The following AUH variants were observed in gnomAD, a reference collection of about 807,000 sequenced individuals.
AUH encodes AU RNA binding methylglutaconyl-CoA hydratase.
Under a neutral mutation model 42.3 loss-of-function variants are expected in AUH, and 29 were observed. The observed-to-expected ratio is 0.69, with a 90% CI of 0.51 to 0.93. The LOEUF (loss-of-function observed/expected upper bound fraction) is 0.93. Ranked by LOEUF, AUH falls within the 40% of genes least tolerant of loss-of-function variation. The pLI is 0.00. For missense variants in AUH, 452 were observed against 438.1 expected, an observed-to-expected ratio of 1.03 and a Z score of -0.28; for synonymous variants, 174 against 166.4, an observed-to-expected ratio of 1.05 and a Z score of -0.35.
intron 3 of AUH, among the ~76,000 whole-genome samples, chr9:91,326,774 A>T (rs1174899561): frequency 6.6e-6 from 1 of 152,136 alleles, no homozygotes; most frequent in Non-Finnish European, 1.5e-5. Flanking sequence ...CTAAATATGC[A>T]AGTCTTTAAA....
intron 6 of AUH, among the ~76,000 whole-genome samples, chr9:91,246,624 T>C (rs1031073511): frequency 6.6e-6 from 1 of 152,028 alleles, no homozygotes; most frequent in East Asian, 1.9e-4. Context: ...AACTAATAAA[T>C]GAATTAGAAA....
chr9:91,216,761 C>T (rs1237385933), intron 8 of AUH, among the ~76,000 whole-genome samples: 1 of 152,208 alleles, frequency 6.6e-6, no homozygotes, highest in African/African-American at 2.4e-5. Context: ...CCACCCCCTC[C>T]TCCCAGGCCT....
chr9:91,217,591 C>T (rs1431811934), intron 7 of AUH, among the ~76,000 whole-genome samples: 1 of 152,138 alleles, frequency 6.6e-6, no homozygotes, highest in Non-Finnish European at 1.5e-5. Flanking sequence ...TAGTGCATGT[C>T]CAGCTGTGAG....
At chr9:91,233,712 A>T (rs959626485) in intron 6 of AUH, among the ~76,000 whole-genome samples, 1 of 152,228 alleles carries the variant, frequency 6.6e-6, no homozygotes, top group African/African-American at 2.4e-5. Flanking sequence ...GGCTACAAAG[A>T]TCAATAACAA....
Position 91,293,044 on chromosome 9 carries a change from G to T in AUH, c.655+2977C>A, listed in dbSNP as rs373269150. 3.6e-4 allele frequency among the ~76,000 whole-genome samples: 55 copies of T among 152,264 alleles called. No homozygotes were observed. The South Asian group carries it at 0.01, about 28-fold the overall frequency. ...TACTGTAATTATTTTGGGGCACCAT[G>T]AACCACGCCCACATAGGATGGCAAA... On this transcript the variant is annotated intron_variant, in intron 6 of 9. Transcript: ENST00000375731.
chr9:91,349,679 GAC>G (rs35888854), intron 3 of AUH, among the ~76,000 whole-genome samples: 91,481 of 148,914 alleles, frequency 0.61, 28,182 homozygotes, highest in Middle Eastern at 0.73. Context: ...CAGAGAGACA[GAC>G]ACACACACAC....
chr9:91,337,783 A>G (rs1040628090), intron 3 of AUH, among the ~76,000 whole-genome samples: 1 of 152,178 alleles, frequency 6.6e-6, no homozygotes, highest in African/African-American at 2.4e-5. Context: ...AATGATTACA[A>G]ATTGGTTCTG....
In AUH at chr9:91,214,193, G is replaced by C. The variant is rs1042602325; in HGVS notation, c.*155C>G. 1 of 684,208 alleles carries C rather than the reference G, an allele frequency of 1.5e-6. No individual in the cohort carries two copies. The highest frequency in any genetic ancestry group is 2.1e-5 in the Admixed American group (1 of 47,510). The allele number at this position is 684,208 out of a possible 1,614,324, so 42.4% of individuals were successfully genotyped here. ...ATTTACACATTTGAATGAAGTACACGGATGGGTCCATTCCAGATGCTTATT... is the reference window on the plus strand; with the variant it reads ...ATTTACACATTTGAATGAAGTACACCGATGGGTCCATTCCAGATGCTTATT... On this transcript the variant is annotated 3_prime_UTR_variant, in exon 10 of 10. Coordinates refer to ENST00000375731, the MANE Select transcript of AUH (RefSeq NM_001698.3).
chr9:91,296,987 G>A (rs1478304511), intron 5 of AUH, among the ~76,000 whole-genome samples: 1 of 152,216 alleles, frequency 6.6e-6, no homozygotes, highest in South Asian at 2.1e-4. Flanking sequence ...AACGATAATG[G>A]AAAGCAAGAG....
In AUH at chr9:91,304,741, T is replaced by C. The variant is rs1009647583; in HGVS notation, c.506-6665A>G. Among the ~76,000 whole-genome samples, 8 of 152,356 alleles carry C rather than the reference T, an allele frequency of 5.3e-5. No homozygotes were observed. In the South Asian group the frequency reaches 1.4e-3, roughly 28 times the overall value. ...TGTAGAAAGCCGTCTACAAAATGTT[T>C]CTAACTAAAGAATTAAGTAAAACAG... On this transcript the variant is annotated intron_variant, in intron 4 of 9. Coordinates refer to ENST00000375731, the MANE Select transcript of AUH (RefSeq NM_001698.3).
rs962400705 is a variant in AUH at position 91,340,232 on chromosome 9, C to G, written c.419-14828G>C. ...ACAGTAACTACCTTCTGCAGCAAAACCACACTGAATAAGAAAGATACCTAA... is the reference window on the plus strand; with the variant it reads ...ACAGTAACTACCTTCTGCAGCAAAAGCACACTGAATAAGAAAGATACCTAA... On this transcript the variant is annotated intron_variant, in intron 3 of 9. Coordinates refer to ENST00000375731, the MANE Select transcript of AUH (RefSeq NM_001698.3). 7.9e-5 allele frequency among the ~76,000 whole-genome samples: 12 copies of G among 152,250 alleles called. No individual in the cohort carries two copies. The South Asian group carries it at 2.5e-3, about 32-fold the overall frequency.
rs1334627443 is a variant in AUH, at chr9:91,318,080, A to G, written c.505+7238T>C. Among the ~76,000 whole-genome samples the G allele has an allele frequency of 2.0e-5, 3 of 152,202 alleles. No individual in the cohort carries two copies. The East Asian group carries it at 5.8e-4, about 29-fold the overall frequency. ...TCTCGGATTTAGGTATAAAGATTAC[A>G]CTAGTCTGAAATAATGAGTTAGGAG... On this transcript the variant is annotated intron_variant, in intron 4 of 9. Transcript: ENST00000375731.
chr9:91,329,432 T>C (rs1396441285), intron 3 of AUH, among the ~76,000 whole-genome samples: 1 of 152,210 alleles, frequency 6.6e-6, no homozygotes, highest in African/African-American at 2.4e-5. Context: ...TTTTTTATTA[T>C]ACCCATTCTA....
At chr9:91,248,491 T>C (rs1351830597) in intron 6 of AUH, among the ~76,000 whole-genome samples, 3 of 152,162 alleles carry the variant, frequency 2.0e-5, no homozygotes, top group Non-Finnish European at 4.4e-5. Flanking sequence ...AAAGGAGTGA[T>C]ACAAAGGAAG....
chr9:91,292,290 T>C (rs1195162428), intron 6 of AUH, among the ~76,000 whole-genome samples: 1 of 151,194 alleles, frequency 6.6e-6, no homozygotes, highest in Admixed American at 6.6e-5. Flanking sequence ...TTTTTTTTTT[T>C]TTTGAGACGG....
At chr9:91,318,456 T>C (rs1259321916) in intron 4 of AUH, among the ~76,000 whole-genome samples, 1 of 152,240 alleles carries the variant, frequency 6.6e-6, no homozygotes, top group Non-Finnish European at 1.5e-5. Flanking sequence ...TTTCCCACCT[T>C]ATGCTTTCAT....
intron 6 of AUH, among the ~76,000 whole-genome samples, chr9:91,279,355 C>T (rs1014191931): frequency 6.6e-6 from 1 of 152,010 alleles, no homozygotes; most frequent in Admixed American, 6.6e-5. Flanking sequence ...TAAAGAAATA[C>T]AGTTCAGTGA....
Position 91,298,014 on chromosome 9 carries a change from G to A in AUH, c.568C>T (p.Leu190=). ...DGLALGGGLE[L]ALACDIRVAA... ...ACTCGTATATCACAGGCTAAAGCCA[G>A]TTCAAGACCACCACCTAAAGCGAGT... The change falls in exon 5 of 10, where the codon CTG becomes TTG. Residue 190 remains leucine, a synonymous_variant. Transcript: ENST00000375731. The A allele has an allele frequency of 6.2e-7, 1 of 1,613,782 alleles. No individual in the cohort carries two copies. The highest frequency in any genetic ancestry group is 1.6e-4 in the Middle Eastern group (1 of 6,062).
chr9:91,358,907 G>C (rs1832640330), intron 1 of AUH, among the ~76,000 whole-genome samples: 1 of 152,068 alleles, frequency 6.6e-6, no homozygotes, highest in African/African-American at 2.4e-5. Flanking sequence ...TAAAACCTTA[G>C]CTTTATTCAG....
Sources: allele counts gnomAD v4.1 joint callset (sites outside exome capture counted in the v4.1 genomes callset), GRCh38; gene constraint gnomAD v4.1.1; transcripts MANE v1.5; gene names NCBI Gene and HGNC (gene_info 2026-07-23, HGNC 2026-07-21).